FAM227B: variants seen among roughly 807,000 people sequenced by gnomAD.
FAM227B encodes protein FAM227B.
FAM227B carries 88 observed loss-of-function variants against 73.8 expected under a neutral mutation model. The observed-to-expected ratio is 1.19, with a 90% CI of 1.00 to 1.42. The LOEUF is 1.42. Ranked by LOEUF, FAM227B falls within the 40% of genes most tolerant of loss-of-function variation. FAM227B has a pLI of 0.00. For missense variants in FAM227B, 632 were observed against 590.9 expected, an observed-to-expected ratio of 1.07 and a Z score of -0.72; for synonymous variants, 210 against 190.5, an observed-to-expected ratio of 1.10 and a Z score of -0.84.
chr15:49,435,379 C>G (rs1165729451), intron 11 of FAM227B, among the ~76,000 whole-genome samples: 1 of 151,562 alleles, frequency 6.6e-6, no homozygotes, highest in Non-Finnish European at 1.5e-5. Flanking sequence ...CATACTTTTA[C>G]TACCATGAGC....
chr15:49,542,982 A>G (rs1469001592), intron 9 of FAM227B, among the ~76,000 whole-genome samples: 1 of 152,060 alleles, frequency 6.6e-6, no homozygotes, highest in Admixed American at 6.6e-5. Context: ...TGTGCAAGTG[A>G]CTTTTTCATA....
chr15:49,514,209 T>G (rs1306999489), intron 10 of FAM227B, among the ~76,000 whole-genome samples: 3 of 152,194 alleles, frequency 2.0e-5, no homozygotes, highest in Non-Finnish European at 2.9e-5. Context: ...TTTCACGATA[T>G]TGATTTTTCC....
chr15:49,525,706 AT>A lies in FAM227B; in HGVS notation c.874+15973del, dbSNP rs1567487374. On this transcript the variant is annotated intron_variant, in intron 10 of 15. Transcript: ENST00000299338. ...TATATATATATATATATATATATAT[AT>A]ATATATATATATCACAAACAGAGCA... Among the ~76,000 whole-genome samples, 169 of 130,376 alleles carry A rather than the reference AT, an allele frequency of 1.3e-3. 1 individual carries two copies. The highest frequency in any genetic ancestry group is 2.2e-3 in the Non-Finnish European group (137 of 61,932). The allele number at this position is 130,376 out of a possible 152,430, so 85.5% of individuals were successfully genotyped here.
chr15:49,405,973 A>T (rs1248688148), intron 11 of FAM227B, among the ~76,000 whole-genome samples: 4 of 152,176 alleles, frequency 2.6e-5, no homozygotes, highest in Non-Finnish European at 5.9e-5. Context: ...TATAAGGTAG[A>T]TTTAACCAAC....
intron 11 of FAM227B, among the ~76,000 whole-genome samples, chr15:49,505,594 TTTTGATAA>T (rs1266516573): frequency 6.6e-6 from 1 of 152,100 alleles, no homozygotes; most frequent in African/African-American, 2.4e-5. Context: ...TTAGATAGTA[TTTTGATAA>T]TTTAAGAATG....
chr15:49,370,803 T>G (rs2045755505), intron 12 of FAM227B, among the ~76,000 whole-genome samples: 1 of 152,150 alleles, frequency 6.6e-6, no homozygotes, highest in Non-Finnish European at 1.5e-5. Context: ...TGGTGGTGAG[T>G]ACATGAAATC....
chr15:49,333,104 C>G (rs1235399058), intron 14 of FAM227B, among the ~76,000 whole-genome samples: 1 of 152,112 alleles, frequency 6.6e-6, no homozygotes, highest in African/African-American at 2.4e-5. Context: ...AAATCACTCC[C>G]TCTTCCAAGT....
intron 8 of FAM227B, among the ~76,000 whole-genome samples, chr15:49,568,912 A>C (rs2074874979): frequency 6.6e-6 from 1 of 151,958 alleles, no homozygotes; most frequent in Admixed American, 6.6e-5. Flanking sequence ...TGAGTTAGAA[A>C]ATGTTTCCTC....
intron 11 of FAM227B, among the ~76,000 whole-genome samples, chr15:49,478,093 C>T: frequency 6.6e-6 from 1 of 152,118 alleles, no homozygotes; most frequent in Non-Finnish European, 1.5e-5. Context: ...CAGTAGTCCC[C>T]AGTGTCAGTT....
At chr15:49,595,678 C>G (rs2076845580) in intron 3 of FAM227B, among the ~76,000 whole-genome samples, 1 of 151,146 alleles carries the variant, frequency 6.6e-6, no homozygotes, top group South Asian at 2.1e-4. Context: ...CTCAAGAAAG[C>G]ACCGAGAAAG....
At chr15:49,358,181 A>G (rs1417805296) in intron 13 of FAM227B, among the ~76,000 whole-genome samples, 2 of 151,632 alleles carry the variant, frequency 1.3e-5, no homozygotes, top group Non-Finnish European at 2.9e-5. Context: ...GTGGCACAAG[A>G]CAGGGATGCC....
At chr15:49,348,474 C>A (rs944962974) in intron 13 of FAM227B, among the ~76,000 whole-genome samples, 1 of 152,054 alleles carries the variant, frequency 6.6e-6, no homozygotes, top group African/African-American at 2.4e-5. Flanking sequence ...CCAAAAGGAG[C>A]CAATTTCGTT....
chr15:49,473,847 G>A (rs1014051687), intron 11 of FAM227B, among the ~76,000 whole-genome samples: 4 of 151,866 alleles, frequency 2.6e-5, no homozygotes, highest in African/African-American at 9.7e-5. Context: ...TTCTACACAT[G>A]CTGTATGAGG....
rs145082626 is a variant in FAM227B at position 49,371,395 on chromosome 15, G to C, written c.1017C>G (p.Ile339Met). The change falls in exon 12 of 16, where the codon ATC becomes ATG. Residue 339 changes from isoleucine (I) to methionine (M), a missense_variant. Transcript: ENST00000299338. ...TCAGAATCTTTATAATATTGAAGTC[G>C]ATACCTAAAACAGAAAATAAAATAC... is the stretch of plus-strand genomic sequence containing the variant. Reference protein sequence around the residue: ...ADSQEHISTSIDFNIIKILNN... With the variant: ...ADSQEHISTSMDFNIIKILNN... The C allele has an allele frequency of 2.0e-6, 3 of 1,534,584 alleles. No homozygotes were observed. The highest frequency in any genetic ancestry group is 2.8e-5 in the African/African-American group (2 of 71,802).
intron 13 of FAM227B, among the ~76,000 whole-genome samples, chr15:49,349,902 G>A (rs1226846082): frequency 6.6e-6 from 1 of 151,886 alleles, no homozygotes; most frequent in East Asian, 1.9e-4. Flanking sequence ...TAGAATGAAA[G>A]GGGAAAAAAA....
intron 13 of FAM227B, among the ~76,000 whole-genome samples, chr15:49,339,611 A>G (rs899567655): frequency 6.6e-6 from 1 of 152,102 alleles, no homozygotes; most frequent in Admixed American, 6.5e-5. Context: ...TCAGGGACCC[A>G]CTTGAGAAGG....
intron 13 of FAM227B, among the ~76,000 whole-genome samples, chr15:49,358,425 C>T (rs1185216799): frequency 6.0e-4 from 78 of 130,518 alleles, no homozygotes; most frequent in African/African-American, 2.3e-3. Flanking sequence ...AAATCACAAG[C>T]ATTCTTATAC....
chr15:49,599,406 T>G (rs907406424), intron 3 of FAM227B, among the ~76,000 whole-genome samples: 4 of 151,974 alleles, frequency 2.6e-5, no homozygotes, highest in African/African-American at 9.7e-5. Context: ...GTTTTGTTGA[T>G]CATCTCTATT....
At chr15:49,375,869 T>C (rs1363671730) in intron 11 of FAM227B, among the ~76,000 whole-genome samples, 1 of 152,086 alleles carries the variant, frequency 6.6e-6, no homozygotes, top group Non-Finnish European at 1.5e-5. Flanking sequence ...ATAATAAAAT[T>C]AGAAGGAATT....
Sources: allele counts gnomAD v4.1 joint callset (sites outside exome capture counted in the v4.1 genomes callset), GRCh38; gene constraint gnomAD v4.1.1; transcripts MANE v1.5; gene names NCBI Gene and HGNC (gene_info 2026-07-23, HGNC 2026-07-21).